The following PHF8 variants were observed in gnomAD, a reference collection of about 807,000 sequenced individuals.
PHF8 encodes PHD finger protein 8.
Under a neutral mutation model 74.4 loss-of-function variants are expected in PHF8, and 9 were observed. That is an observed-to-expected ratio of 0.12 (90% confidence interval 0.07 to 0.21). The LOEUF is 0.21. PHF8 is among the 10% of genes least tolerant of loss of function. PHF8 has a pLI of 1.00. For synonymous variants in PHF8, 311 were observed against 316.6 expected (o/e 0.98, Z 0.19); for missense variants, 478 against 816.6 (o/e 0.59, Z 5.05).
At chrX:54,009,844 GAAAA>G (rs782363250) in intron 8 of PHF8, among the ~76,000 whole-genome samples, 7 of 9,385 alleles carry the variant, frequency 7.5e-4, no homozygotes, top group Admixed American at 2.8e-3. Context: ...CTCTGTCTCA[GAAAA>G]AAAAAAAAAA....
chrX:53,974,934 G>A (rs974842855), intron 18 of PHF8, among the ~76,000 whole-genome samples: 1 of 111,702 alleles, frequency 9.0e-6, no homozygotes, highest in African/African-American at 3.3e-5. Flanking sequence ...GAGAGTACAA[G>A]GAAGAACAGC....
At chrX:53,987,039 C>T (rs368994449) in intron 16 of PHF8, 39 bp downstream of exon 16, 146 of 833,955 alleles carry the variant, frequency 1.8e-4, no homozygotes, top group Non-Finnish European at 2.5e-4. Flanking sequence ...TCTCTATCAC[C>T]AGAATGAGCA....
chrX:53,939,003 C>T lies in PHF8; in HGVS notation c.*155G>A, dbSNP rs782821039. 1.5e-4 allele frequency: 155 copies of T among 1,037,529 alleles called. No individual in the cohort carries two copies. Among genetic ancestry groups the T allele is most frequent in the Non-Finnish European group, 1.9e-4 (151 of 811,688 alleles). The allele number at this position is 1,037,529 out of a possible 1,213,427, so 85.5% of individuals were successfully genotyped here. On this transcript the variant is annotated 3_prime_UTR_variant, in exon 22 of 22. Coordinates refer to ENST00000338154, the MANE Select transcript of PHF8 (RefSeq NM_015107.3). ...AGTGGGGAAGGGAACTAGAAGGAGT[C>T]GGTGGAGGGGTCCGTGCCTTTGGTA...
At chrX:54,030,330 C>T (rs139333972) in intron 2 of PHF8, among the ~76,000 whole-genome samples, 1,285 of 111,563 alleles carry the variant, frequency 0.012, 22 homozygotes, top group African/African-American at 0.038. Flanking sequence ...TAGTTACCAC[C>T]TGGGACCAAG....
At position 53,938,943 on chromosome X, in the gene PHF8, C is replaced by T; in HGVS notation, c.*215G>A. 1 of 989,429 alleles carries T rather than the reference C, an allele frequency of 1.0e-6. No individual in the cohort carries two copies. The highest frequency in any genetic ancestry group is 1.3e-6 in the Non-Finnish European group (1 of 785,863). The allele number at this position is 989,429 out of a possible 1,213,427, so 81.5% of individuals were successfully genotyped here. On this transcript the variant is annotated 3_prime_UTR_variant, in exon 22 of 22. Transcript: ENST00000338154. ...GGAAACCTCTCCCATTTACCTGCTC[C>T]TCAGTGGAGAAGGCAGGCAGGATGC...
intron 14 of PHF8, among the ~76,000 whole-genome samples, chrX:53,988,501 TA>T (rs1373952212): frequency 9.0e-6 from 1 of 110,718 alleles, no homozygotes; most frequent in Non-Finnish European, 1.9e-5. Flanking sequence ...TGGGATTAAG[TA>T]AAATTAAAAA....
chrX:53,952,283 CAAA>C (rs782483897), intron 19 of PHF8, among the ~76,000 whole-genome samples: 1 of 65,567 alleles, frequency 1.5e-5, no homozygotes. Context: ...GACTCTGTCT[CAAA>C]AAAAAAAAAA....
At position 53,985,138 on chromosome X, in the gene PHF8, G is replaced by A; in HGVS notation, c.2219C>T (p.Thr740Ile). ...NLQSSSSSPA[T>I]SSLQAWWTGG... ...AGTCCACCAGGCCTGCAGGCTAGAG[G>A]TAGCCGGTGAGGACGATGAGGACTG... Residue 740 changes from threonine to isoleucine, a missense_variant, in exon 18 of 22, where the codon ACC (threonine) becomes ATC (isoleucine). Transcript: ENST00000338154. 8.3e-7 allele frequency: 1 copy of A among 1,207,765 alleles called. No individual in the cohort carries two copies. The highest frequency in any genetic ancestry group is 1.1e-6 in the Non-Finnish European group (1 of 892,862).
At chrX:53,944,895 G>A (rs1369671229) in intron 19 of PHF8, among the ~76,000 whole-genome samples, 12 of 111,477 alleles carry the variant, frequency 1.1e-4, no homozygotes, top group Non-Finnish European at 1.3e-4. Context: ...GGTGGTGCAC[G>A]CCTGCAGTCC....
At chrX:53,963,236 T>C (rs142059524) in intron 18 of PHF8, among the ~76,000 whole-genome samples, 1 of 111,657 alleles carries the variant, frequency 9.0e-6, no homozygotes, top group Admixed American at 9.6e-5. Context: ...AGCTTTAGAT[T>C]TACTTTCCAC....
In PHF8 at chrX:54,022,792, G is replaced by A. The variant is rs782531806; in HGVS notation, c.150C>T (p.Cys50=). 8.3e-7 allele frequency: 1 copy of A among 1,198,023 alleles called. No individual in the cohort carries two copies. Among genetic ancestry groups the A allele is most frequent in the South Asian group, 1.8e-5 (1 of 56,514 alleles). ...GCCCATGCAAGACTTCACAGTTGGG[G>A]CAGTGGTAGAGGTCAATGTCAGCAG... ...EKAADIDLYH[C]PNCEVLHGPS... is the part of the protein sequence containing the mutation. The change falls in exon 3 of 22, where the codon TGC becomes TGT. Residue 50 remains cysteine (C), a synonymous_variant. Coordinates refer to ENST00000338154, the MANE Select transcript of PHF8 (RefSeq NM_015107.3).
At chrX:54,042,108 G>C (rs2066566371) in intron 2 of PHF8, among the ~76,000 whole-genome samples, 1 of 110,686 alleles carries the variant, frequency 9.0e-6, no homozygotes, top group African/African-American at 3.3e-5. Flanking sequence ...TTCCAGACCA[G>C]CCTGATCAAC....
At chrX:54,044,500 C>T, upstream of PHF8, 1 of 636,924 alleles carries the variant, frequency 1.6e-6, no homozygotes, top group Non-Finnish European at 1.9e-6. Context: ...CGGGGAACCG[C>T]GAGCCGCCGG....
chrX:53,938,167 G>C lies in PHF8; in HGVS notation c.*991C>G. 1 of 1,109,997 alleles carries C rather than the reference G, an allele frequency of 9.0e-7. No homozygotes were observed. The highest frequency in any genetic ancestry group is 1.2e-6 in the Non-Finnish European group (1 of 846,231). 91.5% of individuals were successfully genotyped at this position (1,109,997 alleles called of 1,213,427 possible). On this transcript the variant is annotated 3_prime_UTR_variant, in exon 22 of 22. Coordinates refer to ENST00000338154, the MANE Select transcript of PHF8 (RefSeq NM_015107.3). Reference sequence around the variant, plus strand: ...GAAAAGTTCCCGATGGAGGACCCAGGTGTGGGCCGTCCCGCCACACCCTCC... The same window carrying C: ...GAAAAGTTCCCGATGGAGGACCCAGCTGTGGGCCGTCCCGCCACACCCTCC...
At chrX:54,040,690 AGAG>A (rs1454683165) in intron 2 of PHF8, among the ~76,000 whole-genome samples, 1 of 111,708 alleles carries the variant, frequency 9.0e-6, no homozygotes, top group Non-Finnish European at 1.9e-5. Flanking sequence ...AAAGAACAAG[AGAG>A]GAGGAGTGGC....
chrX:53,982,969 G>A (rs2065501696), intron 18 of PHF8, among the ~76,000 whole-genome samples: 1 of 111,833 alleles, frequency 8.9e-6, no homozygotes, highest in Non-Finnish European at 1.9e-5. Context: ...CAAGGCAGGA[G>A]GACCACTTGA....
At chrX:53,976,460 C>T (rs2065378116) in intron 18 of PHF8, among the ~76,000 whole-genome samples, 1 of 110,060 alleles carries the variant, frequency 9.1e-6, no homozygotes, top group African/African-American at 3.3e-5. Context: ...ATGTAACTGA[C>T]AAAACATAGA....
At chrX:53,947,818 T>C (rs1358634105) in intron 19 of PHF8, among the ~76,000 whole-genome samples, 1 of 112,552 alleles carries the variant, frequency 8.9e-6, no homozygotes, top group Non-Finnish European at 1.9e-5. Flanking sequence ...AAAAGTTTGA[T>C]TGCCTTGAGG....
Position 53,937,922 on chromosome X carries a change from G to A in PHF8, c.*1236C>T, listed in dbSNP as rs1360212681. 2 of 1,004,668 alleles carry A rather than the reference G, an allele frequency of 2.0e-6. No homozygotes were observed. The highest frequency in any genetic ancestry group is 2.7e-6 in the Non-Finnish European group (2 of 729,730). 82.8% of individuals were successfully genotyped at this position (1,004,668 alleles called of 1,213,427 possible). On this transcript the variant is annotated 3_prime_UTR_variant, in exon 22 of 22. Coordinates refer to ENST00000338154, the MANE Select transcript of PHF8 (RefSeq NM_015107.3). ...AGGTGGGGGCACTGTCTGGACAATG[G>A]AGACAATCCACGAAGGAAGGACAGG...
Sources: allele counts gnomAD v4.1 joint callset (sites outside exome capture counted in the v4.1 genomes callset), GRCh38; gene constraint gnomAD v4.1.1; transcripts MANE v1.5; gene names NCBI Gene and HGNC (gene_info 2026-07-23, HGNC 2026-07-21).